The following TTC13 variants were observed in gnomAD, a reference collection of about 807,000 sequenced individuals.
TTC13 encodes tetratricopeptide repeat protein 13.
TTC13 carries 62 observed loss-of-function variants against 120.0 expected under a neutral mutation model. The ratio of observed to expected loss-of-function variants is 0.52; its 90% CI spans 0.42 to 0.64. The LOEUF is 0.64. TTC13 is among the 30% of genes least tolerant of loss of function. TTC13 has a pLI of 0.00. For synonymous variants in TTC13, 384 were observed against 393.5 expected, an observed-to-expected ratio of 0.98 and a Z score of 0.28; for missense variants, 824 against 1,050.2, an observed-to-expected ratio of 0.78 and a Z score of 2.98.
intron 22 of TTC13, 104 bp from the exon 23 acceptor site, chr1:230,907,123 T>C (rs2102711915): frequency 2.2e-6 from 1 of 460,318 alleles, no homozygotes; most frequent in Non-Finnish European, 3.9e-6. Flanking sequence ...TATATTCATG[T>C]TGTAATATCA....
chr1:230,938,632 A>G (rs6664805), intron 8 of TTC13, among the ~76,000 whole-genome samples: 25 of 152,268 alleles, frequency 1.6e-4, no homozygotes, highest in African/African-American at 5.3e-4. Flanking sequence ...TCTCTCAAGG[A>G]GCTGGGTCAA....
At chr1:230,910,737 GACA>G (rs1278401840) in intron 20 of TTC13, among the ~76,000 whole-genome samples, 1 of 152,204 alleles carries the variant, frequency 6.6e-6, no homozygotes, top group Non-Finnish European at 1.5e-5. Context: ...ATGCTGATAA[GACA>G]ACATTTATGT....
chr1:230,952,581 T>C (rs1033612257), intron 4 of TTC13, among the ~76,000 whole-genome samples: 4 of 152,190 alleles, frequency 2.6e-5, no homozygotes, highest in African/African-American at 9.7e-5. Context: ...AAATACGATA[T>C]CACATTTCAA....
At chr1:230,963,628 C>G (rs889430372) in intron 1 of TTC13, among the ~76,000 whole-genome samples, 3 of 130,864 alleles carry the variant, frequency 2.3e-5, no homozygotes, top group African/African-American at 1.1e-4. Context: ...GAGTAAGACC[C>G]TGTCTCAAAA....
chr1:230,966,809 T>G (rs1012136763), intron 1 of TTC13, among the ~76,000 whole-genome samples: 2 of 152,102 alleles, frequency 1.3e-5, no homozygotes, highest in South Asian at 4.1e-4. Flanking sequence ...ATGAGGAAAA[T>G]GAGCCCGAGG....
chr1:230,912,526 G>A, intron 19 of TTC13, 97 bp downstream of exon 19: 1 of 1,376,774 alleles, frequency 7.3e-7, no homozygotes, highest in Non-Finnish European at 1.0e-6. Context: ...CCAATTTCAA[G>A]CATAAGATGT....
intron 1 of TTC13, among the ~76,000 whole-genome samples, chr1:230,966,165 T>C (rs1251347272): frequency 6.6e-6 from 1 of 152,236 alleles, no homozygotes; most frequent in Non-Finnish European, 1.5e-5. Flanking sequence ...TTATTTTAAA[T>C]TGATACAGAA....
chr1:230,963,901 A>G (rs985334714), intron 1 of TTC13, among the ~76,000 whole-genome samples: 1 of 152,172 alleles, frequency 6.6e-6, no homozygotes, highest in Non-Finnish European at 1.5e-5. Flanking sequence ...CCCCAACGAA[A>G]GGCTTTAGTC....
At chr1:230,938,265 C>T (rs1352394442) in intron 8 of TTC13, among the ~76,000 whole-genome samples, 3 of 152,282 alleles carry the variant, frequency 2.0e-5, no homozygotes, top group East Asian at 1.9e-4. Context: ...TTCTCAGGCC[C>T]GTCTGTCTTC....
At chr1:230,912,286 A>G (rs550208955) in intron 19 of TTC13, among the ~76,000 whole-genome samples, 1 of 152,342 alleles carries the variant, frequency 6.6e-6, no homozygotes, top group South Asian at 2.1e-4. Flanking sequence ...TTGTAAATAT[A>G]CGGTTATAAG....
intron 9 of TTC13, among the ~76,000 whole-genome samples, chr1:230,932,545 G>A (rs913271625): frequency 3.3e-5 from 5 of 152,206 alleles, no homozygotes; most frequent in African/African-American, 9.6e-5. Flanking sequence ...CCTGAAAAGC[G>A]GGACCCAATT....
chr1:230,937,180 T>G (rs531419183), intron 8 of TTC13, among the ~76,000 whole-genome samples: 1 of 152,370 alleles, frequency 6.6e-6, no homozygotes, highest in African/African-American at 2.4e-5. Flanking sequence ...ATTTCAGTTC[T>G]TGTGCAATTT....
chr1:230,931,354 T>A lies in TTC13; in HGVS notation c.1244A>T (p.Asp415Val). The A allele has an allele frequency of 1.2e-6, 2 of 1,614,232 alleles. No homozygotes were observed. Among genetic ancestry groups the A allele is most frequent in the Non-Finnish European group, 1.7e-6 (2 of 1,180,052 alleles). The stretch of plus-strand genomic sequence containing the variant: ...GCTAGCCTTCTGGCCTGGGAGAGGA[T>A]CATTCAGCATAACTTTTGTTTGTGC... ...IKAQTKVMLN[D>V]PLPGQKASPE... Residue 415 changes from aspartate to valine, a missense_variant, in exon 11 of 23, where the codon GAT (aspartate) becomes GTT (valine). By Grantham distance (152) the Asp-to-Val change is radical (BLOSUM62 -3). Transcript: ENST00000366661.
intron 17 of TTC13, among the ~76,000 whole-genome samples, chr1:230,919,181 TTTTGTTTG>T (rs935844780): frequency 6.6e-6 from 1 of 152,158 alleles, no homozygotes; most frequent in African/African-American, 2.4e-5. Flanking sequence ...GTATCTAGCT[TTTTGTTTG>T]TTTGTTTGTT....
rs1403511449 is a variant in TTC13, at chr1:230,925,596, C to T, written c.1509G>A (p.Leu503=). 15 of 1,614,012 alleles carry T rather than the reference C, an allele frequency of 9.3e-6. No individual in the cohort carries two copies. Among genetic ancestry groups the T allele is most frequent in the Non-Finnish European group, 1.2e-5 (14 of 1,179,982 alleles). The part of the protein sequence containing the change: ...FESYKPEVQE[L]ICVADRLGSL... ...ATCCCAAACGATCAGCCACACAAAT[C>T]AGCTCCTGTACTTCAGGCTTATAAC... Residue 503 remains leucine, a synonymous_variant, in exon 13 of 23, where the codon CTG becomes CTA. Transcript: ENST00000366661.
intron 1 of TTC13, among the ~76,000 whole-genome samples, chr1:230,966,774 C>T (rs1677168078): frequency 6.6e-6 from 1 of 152,172 alleles, no homozygotes; most frequent in African/African-American, 2.4e-5. Flanking sequence ...CGTGTACAGG[C>T]AACCTTAGAA....
intron 18 of TTC13, among the ~76,000 whole-genome samples, chr1:230,913,446 A>G (rs914699423): frequency 7.2e-5 from 11 of 152,130 alleles, no homozygotes; most frequent in Admixed American, 3.3e-4. Flanking sequence ...TGCAGCCTCA[A>G]ACTTTTGGGC....
At chr1:230,975,430 T>C (rs1019652081) in intron 1 of TTC13, among the ~76,000 whole-genome samples, 2 of 152,104 alleles carry the variant, frequency 1.3e-5, no homozygotes, top group African/African-American at 4.8e-5. Context: ...TTAAAAAAGA[T>C]TGCAGAGTGT....
chr1:230,962,027 A>G (rs1238623696), intron 1 of TTC13, among the ~76,000 whole-genome samples: 2 of 152,156 alleles, frequency 1.3e-5, no homozygotes, highest in East Asian at 3.9e-4. Flanking sequence ...CCTGGCCAAC[A>G]TGGCAAAACC....
Sources: allele counts gnomAD v4.1 joint callset (sites outside exome capture counted in the v4.1 genomes callset), GRCh38; gene constraint gnomAD v4.1.1; transcripts MANE v1.5; gene names NCBI Gene and HGNC (gene_info 2026-07-23, HGNC 2026-07-21).